The following SDCCAG8 variants were observed in gnomAD, a reference collection of about 807,000 sequenced individuals.
The protein encoded by SDCCAG8 is SHH signaling and ciliogenesis regulator SDCCAG8.
SDCCAG8 carries 74 observed loss-of-function variants against 101.8 expected under a neutral mutation model. The ratio of observed to expected loss-of-function variants is 0.73; its 90% CI spans 0.60 to 0.88. The LOEUF (loss-of-function observed/expected upper bound fraction) is 0.88. Ranked by LOEUF, SDCCAG8 falls within the 40% of genes least tolerant of loss-of-function variation. SDCCAG8 has a pLI of 0.00. For missense variants in SDCCAG8, 787 were observed against 822.6 expected (o/e 0.96, Z 0.53); for synonymous variants, 281 against 292.9 (o/e 0.96, Z 0.41).
At chr1:243,423,161 C>T (rs917626190) in intron 15 of SDCCAG8, among the ~76,000 whole-genome samples, 2 of 151,858 alleles carry the variant, frequency 1.3e-5, no homozygotes, top group African/African-American at 4.8e-5. Context: ...AAATGTGAAG[C>T]AGAAAAAAAG....
chr1:243,385,752 C>T (rs867722322), intron 13 of SDCCAG8, among the ~76,000 whole-genome samples: 6 of 151,654 alleles, frequency 4.0e-5, no homozygotes, highest in Admixed American at 6.6e-5. Context: ...GGCGGATCAC[C>T]TGAGGTCAGG....
In SDCCAG8 at chr1:243,458,271, C is replaced by T. The variant is rs2148148788; in HGVS notation, c.1986-30743C>T. ...GTGTTTCAAGAATTCTTGGTTCTGG[C>T]CCTGTCCTTGATTCCCTAATTTCCA... On this transcript the variant is annotated intron_variant, in intron 16 of 17. Coordinates refer to ENST00000366541, the MANE Select transcript of SDCCAG8 (RefSeq NM_006642.5). This position sits in a 1 kb window ranked among gnomAD's most constrained non-coding sequence, Gnocchi z 4.5. Among the ~76,000 whole-genome samples the T allele has an allele frequency of 6.6e-6, 1 of 152,266 alleles. No homozygotes were observed. The highest frequency in any genetic ancestry group is 2.1e-4 in the South Asian group (1 of 4,826).
At chr1:243,445,484 T>C (rs577377432) in intron 16 of SDCCAG8, among the ~76,000 whole-genome samples, 7 of 152,330 alleles carry the variant, frequency 4.6e-5, no homozygotes, top group African/African-American at 1.7e-4. Context: ...AATAATCAGA[T>C]GTTTACCAGA....
Position 243,471,720 on chromosome 1 carries a change from C to G in SDCCAG8, c.1986-17294C>G, listed in dbSNP as rs112743236. On this transcript the variant is annotated intron_variant, in intron 16 of 17. Transcript: ENST00000366541. ...GAGTTAACTGGGAGTTTTACGTCGTCCTAGGTGTTAAGCACATGAGAAATA... is the reference window on the plus strand; with the variant it reads ...GAGTTAACTGGGAGTTTTACGTCGTGCTAGGTGTTAAGCACATGAGAAATA... Among the ~76,000 whole-genome samples the G allele has an allele frequency of 7.0e-3, 1,071 of 152,114 alleles. 16 individuals are homozygous for G. The highest frequency in any genetic ancestry group is 0.025 in the African/African-American group (1,037 of 41,488).
chr1:243,386,528 C>T (rs183572062), intron 13 of SDCCAG8, among the ~76,000 whole-genome samples: 8 of 152,128 alleles, frequency 5.3e-5, no homozygotes, highest in African/African-American at 9.6e-5. Context: ...CCGAGACAGG[C>T]GGATCACGAG....
At chr1:243,257,419 A>G (rs2149242870) in intron 1 of SDCCAG8, among the ~76,000 whole-genome samples, 1 of 152,226 alleles carries the variant, frequency 6.6e-6, no homozygotes, top group East Asian at 1.9e-4. Context: ...GCAGTAAGGA[A>G]CAAGACAAAG....
At chr1:243,285,996 C>T (rs951540248) in intron 4 of SDCCAG8, among the ~76,000 whole-genome samples, 3 of 152,168 alleles carry the variant, frequency 2.0e-5, no homozygotes, top group Non-Finnish European at 4.4e-5. Context: ...TTAATTAAGG[C>T]TTTTCTTTGA....
At chr1:243,363,321 G>GTAA (rs766558603) in intron 12 of SDCCAG8, among the ~76,000 whole-genome samples, 10 of 152,244 alleles carry the variant, frequency 6.6e-5, no homozygotes, top group Non-Finnish European at 1.2e-4. Context: ...CCTACTGTGT[G>GTAA]TAAGTAGCTT....
chr1:243,294,735 T>A (rs2070699457), intron 6 of SDCCAG8, among the ~76,000 whole-genome samples: 1 of 139,932 alleles, frequency 7.1e-6, no homozygotes, highest in African/African-American at 2.7e-5. Context: ...CGTCCTAATT[T>A]CCCAAAGCGT....
intron 16 of SDCCAG8, among the ~76,000 whole-genome samples, chr1:243,450,531 T>A (rs755462864): frequency 1.3e-5 from 2 of 152,228 alleles, no homozygotes; most frequent in Non-Finnish European, 1.5e-5. Context: ...CCAGGGATTC[T>A]TGTCTCGTGG....
In SDCCAG8 at chr1:243,389,127, A is replaced by G. The variant is rs973286931; in HGVS notation, c.1616+10264A>G. On this transcript the variant is annotated intron_variant, in intron 13 of 17. Coordinates refer to ENST00000366541, the MANE Select transcript of SDCCAG8 (RefSeq NM_006642.5). ...TTGCCATCGCACTCCAGCCTGGGCG[A>G]CAGAGCGAGACTCTGTCCCCCCTCC... 4.6e-5 allele frequency among the ~76,000 whole-genome samples: 7 copies of G among 151,590 alleles called. No homozygotes were observed. In the East Asian group the frequency reaches 1.4e-3, roughly 29 times the overall value.
At chr1:243,429,325 T>C (rs1414336079) in intron 16 of SDCCAG8, among the ~76,000 whole-genome samples, 1 of 152,184 alleles carries the variant, frequency 6.6e-6, no homozygotes, top group African/African-American at 2.4e-5. Context: ...CATATAAATA[T>C]GTGTTAATCA....
chr1:243,347,652 T>C (rs2075799292), intron 12 of SDCCAG8, among the ~76,000 whole-genome samples: 1 of 152,224 alleles, frequency 6.6e-6, no homozygotes, highest in African/African-American at 2.4e-5. Flanking sequence ...TTCCTGATAA[T>C]CATATCCCAA....
Position 243,316,894 on chromosome 1 carries a change from G to T in SDCCAG8, c.1068+1G>T, listed in dbSNP as rs2073290478. ...GGAAGCCAATTTTGAAAAAACCAAG[G>T]CAAGTCTAATAAGATGCAAATAAAA... On this transcript the variant is annotated splice_donor_variant, in intron 9 of 17. Transcript: ENST00000366541. LOFTEE classifies it high-confidence loss of function. 2 of 1,613,894 alleles carry T rather than the reference G, an allele frequency of 1.2e-6. No homozygotes were observed. Among genetic ancestry groups the T allele is most frequent in the Non-Finnish European group, 1.7e-6 (2 of 1,179,884 alleles).
intron 13 of SDCCAG8, among the ~76,000 whole-genome samples, chr1:243,411,065 A>G (rs1263102962): frequency 2.0e-5 from 3 of 152,294 alleles, no homozygotes; most frequent in South Asian, 2.1e-4. Context: ...ATAAAGGTGG[A>G]TGTTCCTATT....
chr1:243,348,837 T>G (rs2075907140), intron 12 of SDCCAG8, among the ~76,000 whole-genome samples: 1 of 132,310 alleles, frequency 7.6e-6, no homozygotes, highest in Non-Finnish European at 1.6e-5. Flanking sequence ...AAAAAAAAAA[T>G]TAGCCGGACA....
chr1:243,262,047 T>C (rs1245285289), intron 1 of SDCCAG8, among the ~76,000 whole-genome samples: 1 of 151,748 alleles, frequency 6.6e-6, no homozygotes, highest in African/African-American at 2.4e-5. Context: ...CAACCTCAGG[T>C]GATCTGCCTG....
At chr1:243,355,755 G>A in intron 12 of SDCCAG8, among the ~76,000 whole-genome samples, 1 of 152,132 alleles carries the variant, frequency 6.6e-6, no homozygotes, top group Non-Finnish European at 1.5e-5. Flanking sequence ...ACAGGTGCAT[G>A]CCACCACACC....
In SDCCAG8 at chr1:243,301,096, A is replaced by G. The variant is rs572106354; in HGVS notation, c.676-3617A>G. ...AAATTTTTCAAAACTTATGTACACT[A>G]TCACAGACTGTACACGGAGTCATTC... On this transcript the variant is annotated intron_variant, in intron 6 of 17. Transcript: ENST00000366541. Among the ~76,000 whole-genome samples, 8 of 152,344 alleles carry G rather than the reference A, an allele frequency of 5.3e-5. No homozygotes were observed. The South Asian group carries it at 1.5e-3, about 28-fold the overall frequency.
Sources: gnomAD v4.1 joint callset for allele counts (sites outside exome capture counted in the v4.1 genomes callset) on GRCh38, gnomAD v4.1.1 for gene constraint, Gnocchi (gnomAD v3.1) non-coding constraint, MANE v1.5 for transcripts, NCBI Gene and HGNC (gene_info 2026-07-23, HGNC 2026-07-21) for gene names.